Variants in RPL26L1 observed in about 807,000 individuals in gnomAD.
The protein encoded by RPL26L1 is ribosomal protein L26 like 1.
Under a neutral mutation model 15.2 loss-of-function variants are expected in RPL26L1, and 8 were observed. The observed-to-expected ratio is 0.53, with a 90% CI of 0.31 to 0.95. The LOEUF (loss-of-function observed/expected upper bound fraction) is 0.95. RPL26L1 is among the 40% of genes least tolerant of loss of function. The pLI is 0.05. For missense variants in RPL26L1, 146 were observed against 190.9 expected (o/e 0.76, Z 1.39); for synonymous variants, 51 against 65.9 (o/e 0.77, Z 1.09).
intron 2 of RPL26L1, among the ~76,000 whole-genome samples, chr5:172,964,249 A>G (rs574656502): frequency 6.7e-6 from 1 of 149,038 alleles, no homozygotes; most frequent in African/African-American, 2.5e-5. Context: ...TGCTGGGATT[A>G]CAGGCATGAG....
Position 172,968,185 on chromosome 5 carries a change from A to G in RPL26L1, c.169-274A>G, listed in dbSNP as rs142509184. Among the ~76,000 whole-genome samples, 108 of 152,258 alleles carry G rather than the reference A, an allele frequency of 7.1e-4. 1 individual carries two copies. Among genetic ancestry groups the G allele is most frequent in the African/African-American group, 2.4e-3 (99 of 41,556 alleles). ...ATACTTGACATATATATGTATATAT[A>G]TATAGTTCAGAGTATATTCTATATG... On this transcript the variant is annotated intron_variant, in intron 2 of 3. Coordinates refer to ENST00000265100, the MANE Select transcript of RPL26L1 (RefSeq NM_016093.4).
chr5:172,958,557 C>T (rs939616366), upstream of RPL26L1: 5 of 378,110 alleles, frequency 1.3e-5, no homozygotes, highest in Non-Finnish European at 2.8e-5. Context: ...AGACCCAGAG[C>T]CCTTTTCCTT....
At chr5:172,961,510 GCTA>G in intron 2 of RPL26L1, among the ~76,000 whole-genome samples, 1 of 152,164 alleles carries the variant, frequency 6.6e-6, no homozygotes, top group Middle Eastern at 3.2e-3. Flanking sequence ...TTTCCTTCCA[GCTA>G]CTACACTTTG....
upstream of RPL26L1, chr5:172,957,029 G>A: frequency 2.7e-6 from 1 of 366,410 alleles, no homozygotes; most frequent in Non-Finnish European, 5.4e-6. Context: ...GTGACCAAGA[G>A]GCTGAATATC....
upstream of RPL26L1, chr5:172,957,800 C>A (rs952671697): frequency 6.0e-6 from 1 of 165,852 alleles, no homozygotes; most frequent in South Asian, 1.4e-4. Context: ...TGCCCCCCAA[C>A]CTCCTTATTC....
At chr5:172,958,400 A>G (rs1477723362), upstream of RPL26L1, 1 of 456,250 alleles carries the variant, frequency 2.2e-6, no homozygotes, top group African/African-American at 2.0e-5. Flanking sequence ...CTTGCAAGAC[A>G]TCTTCCCTCT....
At chr5:172,954,465 C>T (rs1764307129), upstream of RPL26L1, among the ~76,000 whole-genome samples, 1 of 11,850 alleles carries the variant, frequency 8.4e-5, no homozygotes, top group Non-Finnish European at 1.6e-4. Context: ...TGGGAGGCTG[C>T]GGTGGGGGCA....
intron 1 of RPL26L1, 45 bp downstream of exon 1, chr5:172,959,513 C>G (rs1755134056): frequency 2.8e-6 from 3 of 1,078,870 alleles, no homozygotes; most frequent in Non-Finnish European, 3.4e-6. Context: ...CTCTACCGCC[C>G]CGTGAGACCC....
intron 2 of RPL26L1, among the ~76,000 whole-genome samples, chr5:172,964,873 C>T (rs1013291582): frequency 1.3e-5 from 2 of 152,186 alleles, no homozygotes; most frequent in African/African-American, 4.8e-5. Context: ...ATTTTCTTTC[C>T]CTTCTGTTAC....
upstream of RPL26L1, among the ~76,000 whole-genome samples, chr5:172,956,462 A>G (rs1221827114): frequency 6.6e-6 from 1 of 152,220 alleles, no homozygotes; most frequent in Non-Finnish European, 1.5e-5. Flanking sequence ...TAAAAGGGAC[A>G]ATTCATACTG....
intron 2 of RPL26L1, among the ~76,000 whole-genome samples, chr5:172,960,440 C>A (rs542551042): frequency 6.6e-6 from 1 of 152,142 alleles, no homozygotes; most frequent in African/African-American, 2.4e-5. Context: ...ATTTAACCTT[C>A]TGGCTGCTAG....
chr5:172,957,178 C>CT (rs1755001590), upstream of RPL26L1: 1 of 456,138 alleles, frequency 2.2e-6, no homozygotes, highest in Non-Finnish European at 4.4e-6. Context: ...GTGCTAGGTG[C>CT]TTTGAGTTCC....
At chr5:172,964,686 T>C (rs1043801340) in intron 2 of RPL26L1, among the ~76,000 whole-genome samples, 1 of 152,204 alleles carries the variant, frequency 6.6e-6, no homozygotes, top group Non-Finnish European at 1.5e-5. Flanking sequence ...ATAGCCCTGA[T>C]TGGGTTTGTT....
At chr5:172,959,311 G>C (rs2113521634), upstream of RPL26L1, 1 of 975,754 alleles carries the variant, frequency 1.0e-6, no homozygotes, top group Non-Finnish European at 1.2e-6. Flanking sequence ...TCCCGGGGCC[G>C]CCAGGAATGA....
At position 172,962,877 on chromosome 5, in the gene RPL26L1, A is replaced by T. The variant is rs142403713; in HGVS notation, c.168+2836A>T. Among the ~76,000 whole-genome samples the T allele has an allele frequency of 2.4e-4, 36 of 151,840 alleles. No homozygotes were observed. The East Asian group carries it at 6.8e-3, about 29-fold the overall frequency. On this transcript the variant is annotated intron_variant, in intron 2 of 3. Transcript: ENST00000265100. The stretch of plus-strand genomic sequence containing the variant: ...TTTATATCTGCCAAAACTGACCTGT[A>T]CATTTTACTGTATGTAAATGATGCC...
upstream of RPL26L1, chr5:172,956,937 C>CG (rs1581599983): frequency 3.3e-5 from 9 of 270,844 alleles, no homozygotes; most frequent in East Asian, 8.4e-4. Context: ...GACTCTATCT[C>CG]GAAAAAAAAA....
chr5:172,966,309 AACTATTTTTTT>A (rs1213204684), intron 2 of RPL26L1, among the ~76,000 whole-genome samples: 14 of 125,630 alleles, frequency 1.1e-4, no homozygotes, highest in African/African-American at 3.7e-4. Context: ...ATGTCTGGCT[AACTATTTTTTT>A]TTTTTTTTTT....
Position 172,968,599 on chromosome 5 carries a change from G to T in RPL26L1, c.309G>T (p.Lys103Asn), listed in dbSNP as rs1755564360. The change falls in exon 3 of 4, where the codon AAG (lysine) becomes AAT (asparagine). Residue 103 changes from lysine (K) to asparagine (N), a missense_variant and splice_region_variant. Physicochemically the swap from Lys to Asn is moderately conservative, Grantham distance 94. Coordinates refer to ENST00000265100, the MANE Select transcript of RPL26L1 (RefSeq NM_016093.4). ...TCCACGTGGGCATTCACCCAAGCAA[G>T]GTATGGTCAAGGACTGAGTGGCAGT... is the stretch of plus-strand genomic sequence containing the variant. The part of the protein sequence containing the change: ...TTVHVGIHPS[K>N]VVITRLKLDK... 1.9e-6 allele frequency: 3 copies of T among 1,613,842 alleles called. No homozygotes were observed. Among genetic ancestry groups the T allele is most frequent in the African/African-American group, 2.7e-5 (2 of 74,914 alleles).
At chr5:172,955,129 G>GTTTT (rs58150544), upstream of RPL26L1, 84 of 228,268 alleles carry the variant, frequency 3.7e-4, no homozygotes, top group East Asian at 6.1e-4. Flanking sequence ...GCTGTGGTTA[G>GTTTT]TTTTTTTTTT....
Sources: allele counts gnomAD v4.1 joint callset (sites outside exome capture counted in the v4.1 genomes callset), GRCh38; gene constraint gnomAD v4.1.1; transcripts MANE v1.5; gene names NCBI Gene and HGNC (gene_info 2026-07-23, HGNC 2026-07-21).